Variants in HEG1 observed in about 807,000 individuals in gnomAD.
HEG1 encodes the protein heart development protein with EGF like domains 1, also known as protein HEG homolog 1.
HEG1 carries 56 observed loss-of-function variants against 125.6 expected under a neutral mutation model. The ratio of observed to expected loss-of-function variants is 0.45; its 90% CI spans 0.36 to 0.56. HEG1 has a LOEUF of 0.56. Among genes scored for constraint, HEG1 ranks in the 20% least tolerant of loss-of-function variants. HEG1 has a pLI of 0.00. For missense variants in HEG1, 1,523 were observed against 1,670.0 expected, an observed-to-expected ratio of 0.91 and a Z score of 1.53; for synonymous variants, 644 against 668.5, an observed-to-expected ratio of 0.96 and a Z score of 0.57.
intron 14 of HEG1, among the ~76,000 whole-genome samples, chr3:124,980,992 C>A (rs573869749): frequency 6.6e-6 from 1 of 151,628 alleles, no homozygotes; most frequent in Non-Finnish European, 1.5e-5. Flanking sequence ...GCAGCTGGGA[C>A]CACGGGCGCA....
chr3:124,970,694 C>T lies in HEG1; in HGVS notation c.4104G>A (p.Pro1368=), dbSNP rs374923347. The change falls in exon 17 of 17, where the codon CCG becomes CCA. Residue 1368 remains proline (P), a synonymous_variant. Transcript: ENST00000311127. ...HSCIFPGQYN[P]SFISDESRRR... ...TTCTGCTTTCATCACTGATGAAAGA[C>T]GGGTTATACTGTCCGGGGAAAATGC... 1.1e-4 allele frequency: 181 copies of T among 1,607,572 alleles called. 1 individual carries two copies. The African/African-American group carries it at 1.5e-3, about 13-fold the overall frequency.
chr3:125,055,132 C>A (rs1470450038), intron 1 of HEG1, among the ~76,000 whole-genome samples: 2 of 152,112 alleles, frequency 1.3e-5, no homozygotes, highest in Non-Finnish European at 2.9e-5. Context: ...TACAATATCC[C>A]GTCCTAGAAC....
chr3:125,032,035 G>T (rs896590139), intron 1 of HEG1, among the ~76,000 whole-genome samples: 2 of 152,152 alleles, frequency 1.3e-5, no homozygotes, highest in African/African-American at 4.8e-5. Context: ...ATATGTAACT[G>T]ATATAAAAAT....
chr3:125,025,727 T>C (rs1937406288), intron 3 of HEG1, among the ~76,000 whole-genome samples: 1 of 152,254 alleles, frequency 6.6e-6, no homozygotes, highest in African/African-American at 2.4e-5. Context: ...AAATACTTCC[T>C]TTCTACCGTT....
At position 125,019,338 on chromosome 3, in the gene HEG1, A is replaced by C. The variant is rs775600769; in HGVS notation, c.1512T>G (p.Asp504Glu). The change falls in exon 5 of 17, where the codon GAT becomes GAG. Residue 504 changes from aspartate (D) to glutamate (E), a missense_variant. By Grantham distance (45) the Asp-to-Glu change is conservative. Coordinates refer to ENST00000311127, the MANE Select transcript of HEG1 (RefSeq NM_020733.2). ...QSGGSHTALG[D>E]RSYSESSSTS... ...TAGATGAAGACTCTGAATAACTCCT[A>C]TCTCCCAATGCTGTGTGACTTCCTC... The C allele has an allele frequency of 1.2e-6, 2 of 1,613,892 alleles. No homozygotes were observed. Among genetic ancestry groups the C allele is most frequent in the Non-Finnish European group, 8.5e-7 (1 of 1,179,866 alleles).
chr3:125,052,034 T>A (rs1411459671), intron 1 of HEG1, among the ~76,000 whole-genome samples: 1 of 152,166 alleles, frequency 6.6e-6, no homozygotes, highest in Non-Finnish European at 1.5e-5. Flanking sequence ...CAGTTCAGCA[T>A]GTGCACACAG....
chr3:124,967,227 G>A lies in HEG1; in HGVS notation c.*3425C>T, dbSNP rs1936331883. ...TCACAAAAATATGCTTCCAGTATGT[G>A]GGAGCCATGGCCTTACCACGGGAAC... On this transcript the variant is annotated 3_prime_UTR_variant, in exon 17 of 17. Transcript: ENST00000311127. 6.6e-6 allele frequency: 1 copy of A among 152,184 alleles called. No homozygotes were observed. Among genetic ancestry groups the A allele is most frequent in the Non-Finnish European group, 1.5e-5 (1 of 68,048 alleles). The allele number at this position is 152,184 out of a possible 1,614,324, so 9.4% of individuals were successfully genotyped here. A position where few individuals can be genotyped will look rare whatever the true frequency, so the allele number is the denominator to read the frequency against.
chr3:125,032,605 A>G (rs1937512013), intron 1 of HEG1, among the ~76,000 whole-genome samples: 1 of 152,090 alleles, frequency 6.6e-6, no homozygotes, highest in African/African-American at 2.4e-5. Flanking sequence ...CCTTTGTTCT[A>G]CCTCTGGGAG....
At position 125,013,431 on chromosome 3, in the gene HEG1, T is replaced by C. The variant is rs368908713; in HGVS notation, c.2148A>G (p.Pro716=). 11 of 1,613,676 alleles carry C rather than the reference T, an allele frequency of 6.8e-6. No homozygotes were observed. In the African/African-American group the frequency reaches 1.2e-4, roughly 18 times the overall value. ...TCGTTAAGGATACTGGTAAAGGTGA[T>C]GGTGAGGAAGACCATGGTGTGGATG... ...SDASTPWSSS[P]SPLPVSLTTS... is the part of the protein sequence containing the mutation. The change falls in exon 6 of 17, where the codon CCA becomes CCG. Residue 716 remains proline, a synonymous_variant. Transcript: ENST00000311127.
At chr3:124,978,991 C>T (rs1936602392) in intron 14 of HEG1, among the ~76,000 whole-genome samples, 1 of 149,998 alleles carries the variant, frequency 6.7e-6, no homozygotes, top group Non-Finnish European at 1.5e-5. Flanking sequence ...GCTCTTGTTG[C>T]CCAGTCTGGA....
intron 1 of HEG1, among the ~76,000 whole-genome samples, chr3:125,030,515 T>C (rs1458374646): frequency 6.6e-6 from 1 of 152,222 alleles, no homozygotes; most frequent in Non-Finnish European, 1.5e-5. Context: ...AAGAAAACTA[T>C]GTGGTCACTG....
At chr3:125,015,154 T>G (rs1937226495) in intron 5 of HEG1, 1 of 442,290 alleles carries the variant, frequency 2.3e-6, no homozygotes, top group Non-Finnish European at 3.6e-6. Context: ...TCTGTTGCCC[T>G]TGCAAACATG....
rs1560025189 is a variant in HEG1, at chr3:125,013,248, G to T, written c.2331C>A (p.Asp777Glu). Residue 777 changes from aspartate (D) to glutamate (E), a missense_variant, in exon 6 of 17, where the codon GAC (aspartate) becomes GAA (glutamate). By Grantham distance (45) the Asp-to-Glu change is conservative. Transcript: ENST00000311127. The stretch of plus-strand genomic sequence containing the variant: ...GGTGTGGGGTGCTCTGGCTCTTAAG[G>T]TCTGCAGTTTGACTACTATGGAGCA... ...MTMLHSSQTA[D>E]LKSQSTPHQE... 5 of 1,614,002 alleles carry T rather than the reference G, an allele frequency of 3.1e-6. No individual in the cohort carries two copies. Among genetic ancestry groups the T allele is most frequent in the East Asian group, 2.2e-5 (1 of 44,894 alleles).
At chr3:124,975,655 C>T (rs1306954810) in intron 15 of HEG1, among the ~76,000 whole-genome samples, 1 of 152,188 alleles carries the variant, frequency 6.6e-6, no homozygotes, top group Non-Finnish European at 1.5e-5. Flanking sequence ...ACCCCATACC[C>T]CTTAGCCACC....
intron 4 of HEG1, 70 bp from the exon 5 acceptor site, chr3:125,019,667 G>A: frequency 8.2e-7 from 1 of 1,222,488 alleles, no homozygotes; most frequent in Non-Finnish European, 1.2e-6. Flanking sequence ...ACTAAGAAGT[G>A]AGACCTCTCT....
intron 14 of HEG1, among the ~76,000 whole-genome samples, chr3:124,981,138 C>T (rs1287769947): frequency 2.0e-5 from 3 of 152,074 alleles, no homozygotes; most frequent in Non-Finnish European, 4.4e-5. Flanking sequence ...TGCGCCCAAC[C>T]TGGATATTCT....
At position 125,021,083 on chromosome 3, in the gene HEG1, A is replaced by G. The variant is rs1238787460; in HGVS notation, c.961T>C (p.Ser321Pro). 6.3e-7 allele frequency: 1 copy of G among 1,599,116 alleles called. No individual in the cohort carries two copies. The highest frequency in any genetic ancestry group is 8.5e-7 in the Non-Finnish European group (1 of 1,172,488). The change falls in exon 4 of 17, where the codon TCC becomes CCC. Residue 321 changes from serine to proline, a missense_variant. Transcript: ENST00000311127. ...ATTGTCTTTGTTTGACTGACTGAGG[A>G]GCTCTGGAGGCCAGTGGAGTTGTTA... ...KLNNSTGLQS[S>P]SVSQTKTMHV...
At chr3:125,029,520 T>C (rs753773177) in intron 1 of HEG1, 32 bp from the exon 2 acceptor site, 24 of 1,570,286 alleles carry the variant, frequency 1.5e-5, no homozygotes, top group Non-Finnish European at 2.1e-5. Context: ...TCAGGGAGAG[T>C]TTGCTGGCTT....
At position 125,010,548 on chromosome 3, in the gene HEG1, GCTGTTGAC is replaced by G; in HGVS notation, c.2957-1_2963del. On this transcript the variant is annotated splice_acceptor_variant and coding_sequence_variant, in exon 7 of 17. Coordinates refer to ENST00000311127, the MANE Select transcript of HEG1 (RefSeq NM_020733.2). LOFTEE classifies it high-confidence loss of function. ...TGTGAAGACAAGGGTTCACAGCACAGCTGTTGACTACAAACACATTCCAGGAGTAAAGC... is the reference window on the plus strand; with the variant it reads ...TGTGAAGACAAGGGTTCACAGCACAGTACAAACACATTCCAGGAGTAAAGC... The G allele has an allele frequency of 6.4e-7, 1 of 1,550,632 alleles. No individual in the cohort carries two copies. Among genetic ancestry groups the G allele is most frequent in the Non-Finnish European group, 8.7e-7 (1 of 1,145,264 alleles).
Sources: gnomAD v4.1 joint callset for allele counts (sites outside exome capture counted in the v4.1 genomes callset) on GRCh38, gnomAD v4.1.1 for gene constraint, MANE v1.5 for transcripts, NCBI Gene and HGNC (gene_info 2026-07-23, HGNC 2026-07-21) for gene names.